IL4I1: variants seen among roughly 807,000 people sequenced by gnomAD.
The protein encoded by IL4I1 is L-amino-acid oxidase.
IL4I1 carries 24 observed loss-of-function variants against 29.7 expected under a neutral mutation model. The observed-to-expected ratio is 0.81, with a 90% CI of 0.59 to 1.14. IL4I1 has a LOEUF of 1.14. IL4I1 is among the 50% of genes most tolerant of loss of function. The pLI is 0.00. For synonymous variants in IL4I1, 371 were observed against 352.5 expected (o/e 1.05, Z -0.59); for missense variants, 686 against 785.6 (o/e 0.87, Z 1.52).
rs1019937807 is a variant in IL4I1, at chr19:49,890,166, G to A, written c.1208C>T (p.Ala403Val). 4.4e-5 allele frequency: 68 copies of A among 1,542,104 alleles called. No homozygotes were observed. The highest frequency in any genetic ancestry group is 5.9e-5 in the Non-Finnish European group (68 of 1,143,072). The change falls in exon 8 of 8, where the codon GCG becomes GTG. Residue 403 changes from alanine (A) to valine (V), a missense_variant. Transcript: ENST00000391826. ...GCTCAAGCCGGCGAACGCTGCCGCC[G>A]CGTCCGACCACGTGTACGAGGCCAG... is the stretch of plus-strand genomic sequence containing the variant. The part of the protein sequence containing the change: ...LLLASYTWSD[A>V]AAAFAGLSRE...
chr19:49,899,846 C>T (rs1353422578), upstream of IL4I1, among the ~76,000 whole-genome samples: 6 of 152,116 alleles, frequency 3.9e-5, no homozygotes, highest in Non-Finnish European at 8.8e-5. Context: ...TGAGCCACCT[C>T]GCCCGGCCAC....
intron 2 of IL4I1, among the ~76,000 whole-genome samples, chr19:49,924,087 G>A (rs1049949811): frequency 6.6e-6 from 1 of 152,222 alleles, no homozygotes; most frequent in African/African-American, 2.4e-5. Context: ...TGGCAACTGT[G>A]AGCAGCAGCA....
At chr19:49,908,167 A>C in intron 2 of IL4I1, 1 of 1,576,222 alleles carries the variant, frequency 6.3e-7, no homozygotes, top group South Asian at 1.1e-5. Flanking sequence ...CCACAACCCC[A>C]AACTACAGAC....
intron 2 of IL4I1, among the ~76,000 whole-genome samples, chr19:49,920,196 C>T (rs1420535678): frequency 1.3e-5 from 2 of 152,196 alleles, no homozygotes; most frequent in Non-Finnish European, 2.9e-5. Flanking sequence ...TATTCTCCTG[C>T]CTCAGCCTCC....
intron 2 of IL4I1, chr19:49,909,504 T>A (rs772346877): frequency 1.2e-6 from 2 of 1,614,148 alleles, no homozygotes; most frequent in Admixed American, 3.3e-5. Flanking sequence ...GTGGCAGCTG[T>A]GTTGCTCAAG....
chr19:49,914,141 G>A (rs138039009), intron 2 of IL4I1, among the ~76,000 whole-genome samples: 25 of 152,262 alleles, frequency 1.6e-4, no homozygotes, highest in African/African-American at 5.3e-4. Flanking sequence ...TTAAGCCCAG[G>A]AGTTTGAGGC....
upstream of IL4I1, among the ~76,000 whole-genome samples, chr19:49,900,502 G>C (rs921839638): frequency 6.6e-6 from 1 of 152,040 alleles, no homozygotes; most frequent in African/African-American, 2.4e-5. Flanking sequence ...TGGACAGGCT[G>C]GTCTTGAAGT....
intron 3 of IL4I1, chr19:49,904,146 G>C (rs938924870): frequency 6.6e-6 from 1 of 151,962 alleles, no homozygotes; most frequent in Non-Finnish European, 1.5e-5. Context: ...GCCCCCATTT[G>C]CCACTCTTAT....
intron 3 of IL4I1, among the ~76,000 whole-genome samples, chr19:49,903,063 C>T (rs567025870): frequency 1.8e-3 from 280 of 151,710 alleles, no homozygotes; most frequent in African/African-American, 6.3e-3. Flanking sequence ...TGCAGTGAGC[C>T]GAGATCACAC....
chr19:49,896,097 G>A (rs3810269), intron 2 of IL4I1, 44 bp from the exon 3 acceptor site: 2 of 1,591,468 alleles, frequency 1.3e-6, no homozygotes, highest in Non-Finnish European at 1.7e-6. Context: ...GGCAGGTCGG[G>A]GGAGAGGGGT....
At chr19:49,918,075 T>C (rs2075670257) in intron 2 of IL4I1, among the ~76,000 whole-genome samples, 1 of 145,124 alleles carries the variant, frequency 6.9e-6, no homozygotes, top group African/African-American at 2.5e-5. Flanking sequence ...TGCTTTCCTT[T>C]TTCTTTTTTT....
At chr19:49,895,420 G>A (rs1295189859) in intron 3 of IL4I1, among the ~76,000 whole-genome samples, 6 of 152,180 alleles carry the variant, frequency 3.9e-5, no homozygotes. Context: ...GGGGAGTTCG[G>A]AGATGACCCA....
chr19:49,925,793 G>A (rs890847188), intron 2 of IL4I1, among the ~76,000 whole-genome samples: 7 of 152,198 alleles, frequency 4.6e-5, no homozygotes, highest in Non-Finnish European at 1.0e-4. Context: ...GACAAATGTG[G>A]CAAAGTAATG....
At chr19:49,894,697 G>A (rs1038640744) in intron 4 of IL4I1, among the ~76,000 whole-genome samples, 1 of 151,780 alleles carries the variant, frequency 6.6e-6, no homozygotes. Context: ...GAGTGGGATA[G>A]AGCCCAGATT....
At chr19:49,917,035 C>T (rs970811852) in intron 2 of IL4I1, among the ~76,000 whole-genome samples, 1 of 152,264 alleles carries the variant, frequency 6.6e-6, no homozygotes, top group African/African-American at 2.4e-5. Flanking sequence ...GGACAGGGTG[C>T]GGAGCTGTCT....
upstream of IL4I1, chr19:49,901,708 C>A (rs189884055): frequency 1.3e-6 from 2 of 1,532,172 alleles, no homozygotes; most frequent in Non-Finnish European, 1.8e-6. Context: ...CAGAAGTCAT[C>A]GTTGGGCATG....
intron 2 of IL4I1, among the ~76,000 whole-genome samples, chr19:49,923,996 C>T (rs563219839): frequency 2.0e-5 from 3 of 152,308 alleles, no homozygotes; most frequent in South Asian, 4.2e-4. Flanking sequence ...AGGAGGCCAC[C>T]GTGATTGGGA....
chr19:49,927,301 C>A (rs1467229236), intron 2 of IL4I1, among the ~76,000 whole-genome samples: 1 of 152,038 alleles, frequency 6.6e-6, no homozygotes, highest in Non-Finnish European at 1.5e-5. Context: ...GAGTCTATGC[C>A]AGGTATGTAT....
Position 49,894,150 on chromosome 19 carries a change from G to T in IL4I1, c.567+118C>A. 6.6e-6 allele frequency: 6 copies of T among 908,238 alleles called. No individual in the cohort carries two copies. In the South Asian group the frequency reaches 9.3e-5, roughly 14 times the overall value. 56.3% of individuals were successfully genotyped at this position (908,238 alleles called of 1,614,324 possible). ...GTAGAATTTCCATCTCCACCAACAGGCGCCCCACCCCATGGAGGGGACTGA... is the reference window on the plus strand; with the variant it reads ...GTAGAATTTCCATCTCCACCAACAGTCGCCCCACCCCATGGAGGGGACTGA... On this transcript the variant is annotated intron_variant, in intron 5 of 7. Coordinates refer to ENST00000391826, the MANE Select transcript of IL4I1 (RefSeq NM_152899.2).
Sources: allele counts gnomAD v4.1 joint callset (sites outside exome capture counted in the v4.1 genomes callset), GRCh38; gene constraint gnomAD v4.1.1; transcripts MANE v1.5; gene names NCBI Gene and HGNC (gene_info 2026-07-23, HGNC 2026-07-21).